IGF1R: variants seen among roughly 807,000 people sequenced by gnomAD.
The protein encoded by IGF1R is insulin like growth factor 1 receptor, also known as insulin-like growth factor 1 receptor.
In IGF1R, 44 loss-of-function variants were observed where a neutral mutation model predicts 144.6. The ratio of observed to expected loss-of-function variants is 0.30; its 90% CI spans 0.24 to 0.39. The LOEUF (loss-of-function observed/expected upper bound fraction) is 0.39. Ranked by LOEUF, IGF1R falls within the 10% of genes least tolerant of loss-of-function variation. The pLI, the probability that IGF1R is intolerant of heterozygous loss-of-function variation, is 1.00. For missense variants in IGF1R, 1,355 were observed against 1,833.7 expected (o/e 0.74, Z 4.77); for synonymous variants, 795 against 722.8 (o/e 1.10, Z -1.60).
chr15:98,694,526 C>G (rs761597248), intron 1 of IGF1R, among the ~76,000 whole-genome samples: 1 of 151,926 alleles, frequency 6.6e-6, no homozygotes, highest in Non-Finnish European at 1.5e-5. Context: ...CGCTCCTGGG[C>G]CAGACTCAGG....
chr15:98,750,326 G>T (rs1033402515), intron 2 of IGF1R, among the ~76,000 whole-genome samples: 5 of 152,128 alleles, frequency 3.3e-5, no homozygotes, highest in Admixed American at 6.5e-5. Flanking sequence ...ACAGGCAAGG[G>T]GGCTGGCCTC....
At chr15:98,816,266 A>G (rs1353308204) in intron 2 of IGF1R, among the ~76,000 whole-genome samples, 2 of 152,164 alleles carry the variant, frequency 1.3e-5, no homozygotes, top group Non-Finnish European at 2.9e-5. Flanking sequence ...CAATAACTAC[A>G]AGATCTGCCC....
rs139979668 is a variant in IGF1R, at chr15:98,950,848, C to T, written c.3722+2140C>T. Among the ~76,000 whole-genome samples the T allele has an allele frequency of 6.7e-3, 1,018 of 152,296 alleles. 14 individuals carry two copies. The highest frequency in any genetic ancestry group is 0.023 in the African/African-American group (971 of 41,540). ...CGATCTTGGGGGGCATCTTAGAATT[C>T]CATAGTCTCAGAAATCATTGTCCCT... On this transcript the variant is annotated intron_variant, in intron 20 of 20. Coordinates refer to ENST00000650285, the MANE Select transcript of IGF1R (RefSeq NM_000875.5).
intron 8 of IGF1R, among the ~76,000 whole-genome samples, chr15:98,914,777 G>A (rs541123203): frequency 2.6e-5 from 4 of 152,274 alleles, no homozygotes; most frequent in Non-Finnish European, 4.4e-5. Flanking sequence ...GTCCTTACAC[G>A]CAGCGGAGAC....
At chr15:98,786,312 T>G (rs1171293062) in intron 2 of IGF1R, among the ~76,000 whole-genome samples, 1 of 152,058 alleles carries the variant, frequency 6.6e-6, no homozygotes, top group Non-Finnish European at 1.5e-5. Flanking sequence ...TAATGCAGAG[T>G]CAGAATGATT....
intron 19 of IGF1R, among the ~76,000 whole-genome samples, chr15:98,944,594 C>T (rs532041480): frequency 2.0e-5 from 3 of 152,204 alleles, no homozygotes; most frequent in Non-Finnish European, 4.4e-5. Flanking sequence ...AGATTGTATT[C>T]AGCAGCACGA....
chr15:98,855,979 G>A (rs930036261), intron 2 of IGF1R, among the ~76,000 whole-genome samples: 1 of 152,250 alleles, frequency 6.6e-6, no homozygotes, highest in Non-Finnish European at 1.5e-5. Flanking sequence ...GCTGCAACAC[G>A]GTGGCCAAAG....
At chr15:98,780,702 G>T (rs1191263269) in intron 2 of IGF1R, among the ~76,000 whole-genome samples, 2 of 151,928 alleles carry the variant, frequency 1.3e-5, no homozygotes, top group African/African-American at 2.4e-5. Flanking sequence ...TATAAATCAT[G>T]CCTCACTATT....
intron 2 of IGF1R, among the ~76,000 whole-genome samples, chr15:98,854,766 A>G (rs1182207940): frequency 6.6e-6 from 1 of 152,140 alleles, no homozygotes; most frequent in East Asian, 1.9e-4. Flanking sequence ...GACTTGAGAC[A>G]AGCTTTGAGT....
At chr15:98,650,901 G>C in intron 1 of IGF1R, 2 of 984,816 alleles carry the variant, frequency 2.0e-6, no homozygotes, top group Non-Finnish European at 2.4e-6. Context: ...GTAGGGAAGC[G>C]CGGGGATGCG....
At chr15:98,756,079 A>T (rs28493153) in intron 2 of IGF1R, among the ~76,000 whole-genome samples, 1 of 152,050 alleles carries the variant, frequency 6.6e-6, no homozygotes, top group African/African-American at 2.4e-5. Context: ...ATATTTTTTT[A>T]AAAATTGTGA....
chr15:98,803,370 G>A (rs1356944193), intron 2 of IGF1R, among the ~76,000 whole-genome samples: 1 of 152,136 alleles, frequency 6.6e-6, no homozygotes, highest in African/African-American at 2.4e-5. Flanking sequence ...CACCTGTATA[G>A]GGCACTTACT....
At chr15:98,786,028 CCT>C (rs2055986708) in intron 2 of IGF1R, among the ~76,000 whole-genome samples, 1 of 152,202 alleles carries the variant, frequency 6.6e-6, no homozygotes, top group African/African-American at 2.4e-5. Flanking sequence ...GCAGACTCTG[CCT>C]CTCTCACCCT....
rs146572439 is a variant in IGF1R at position 98,712,085 on chromosome 15, G to A, written c.640+3978G>A. The stretch of plus-strand genomic sequence containing the variant: ...TAGGTTTCAACATAAGAATTTTGAG[G>A]GGACATAAACATTCAGATCATAGCA... On this transcript the variant is annotated intron_variant, in intron 2 of 20. Coordinates refer to ENST00000650285, the MANE Select transcript of IGF1R (RefSeq NM_000875.5). Among the ~76,000 whole-genome samples, 805 of 152,222 alleles carry A rather than the reference G, an allele frequency of 5.3e-3. 8 individuals carry two copies. The highest frequency in any genetic ancestry group is 0.017 in the East Asian group (87 of 5,188).
At chr15:98,929,295 A>G (rs1374335252) in intron 13 of IGF1R, among the ~76,000 whole-genome samples, 2 of 152,200 alleles carry the variant, frequency 1.3e-5, no homozygotes, top group African/African-American at 2.4e-5. Context: ...TCAGTCTATC[A>G]TTGAAACTAT....
chr15:98,738,900 C>T (rs1278581375), intron 2 of IGF1R, among the ~76,000 whole-genome samples: 1 of 152,174 alleles, frequency 6.6e-6, no homozygotes, highest in African/African-American at 2.4e-5. Context: ...CATGTTTTCT[C>T]ACCCTGAGTG....
At chr15:98,664,996 C>G (rs531629299) in intron 1 of IGF1R, among the ~76,000 whole-genome samples, 2 of 138,650 alleles carry the variant, frequency 1.4e-5, no homozygotes, top group African/African-American at 5.5e-5. Context: ...CTCGCTCTGT[C>G]GTCCAGGCTG....
At chr15:98,769,214 T>C (rs72769828) in intron 2 of IGF1R, among the ~76,000 whole-genome samples, 8,664 of 152,246 alleles carry the variant, frequency 0.057, 289 homozygotes, top group Middle Eastern at 0.13. Flanking sequence ...AAGAGTAACA[T>C]TTCTGTACCT....
At chr15:98,700,542 T>C (rs1006428679) in intron 1 of IGF1R, among the ~76,000 whole-genome samples, 2 of 152,190 alleles carry the variant, frequency 1.3e-5, no homozygotes, top group East Asian at 3.9e-4. Flanking sequence ...CTCTTGCGTT[T>C]TAACAGTTCC....
Sources: allele counts gnomAD v4.1 joint callset (sites outside exome capture counted in the v4.1 genomes callset), GRCh38; gene constraint gnomAD v4.1.1; transcripts MANE v1.5; gene names NCBI Gene and HGNC (gene_info 2026-07-23, HGNC 2026-07-21).